ZNF76: variants seen among roughly 807,000 people sequenced by gnomAD.
The protein encoded by ZNF76 is zinc finger protein 76.
A neutral mutation model predicts 66.9 loss-of-function variants in ZNF76; 66 were observed. The observed-to-expected ratio is 0.99, with a 90% CI of 0.81 to 1.21. ZNF76 has a LOEUF of 1.21. Among genes scored for constraint, ZNF76 ranks in the 50% most tolerant of loss-of-function variants. The pLI is 0.00. For missense variants in ZNF76, 729 were observed against 760.3 expected, an observed-to-expected ratio of 0.96 and a Z score of 0.48; for synonymous variants, 275 against 296.1, an observed-to-expected ratio of 0.93 and a Z score of 0.73.
chr6:35,290,540 T>G, intron 6 of ZNF76, 101 bp from the exon 7 acceptor site: 2 of 1,524,534 alleles, frequency 1.3e-6, no homozygotes, highest in South Asian at 1.2e-5. Flanking sequence ...TTGACACACA[T>G]GAATGGTACA....
chr6:35,291,821 A>T, intron 9 of ZNF76, 84 bp downstream of exon 9: 1 of 1,503,404 alleles, frequency 6.7e-7, no homozygotes, highest in Non-Finnish European at 9.0e-7. Flanking sequence ...CACATTCCCA[A>T]CTCCCAGCCC....
chr6:35,265,148 G>A (rs1000555399), intron 1 of ZNF76, among the ~76,000 whole-genome samples: 1 of 152,134 alleles, frequency 6.6e-6, no homozygotes, highest in African/African-American at 2.4e-5. Context: ...ACAGGGTAGA[G>A]ACAGACAATA....
chr6:35,289,381 A>G (rs1790054559), intron 5 of ZNF76, among the ~76,000 whole-genome samples: 2 of 152,140 alleles, frequency 1.3e-5, no homozygotes, highest in South Asian at 4.1e-4. Flanking sequence ...CAGCTGCTTG[A>G]GCCTCTGAGC....
At chr6:35,294,736 G>A (rs913164203) in intron 13 of ZNF76, 167 bp downstream of exon 13, 18 of 675,498 alleles carry the variant, frequency 2.7e-5, no homozygotes, top group African/African-American at 2.5e-4. Context: ...TCTCAGGCTC[G>A]CTCTTGGCTG....
intron 2 of ZNF76, 106 bp from the exon 3 acceptor site, chr6:35,286,022 C>A: frequency 1.0e-6 from 1 of 1,004,550 alleles, no homozygotes; most frequent in Non-Finnish European, 1.6e-6. Flanking sequence ...CTTAGACCTG[C>A]AGGCTCGTGC....
intron 1 of ZNF76, among the ~76,000 whole-genome samples, chr6:35,270,780 A>G (rs1786927892): frequency 6.6e-6 from 1 of 152,034 alleles, no homozygotes; most frequent in Non-Finnish European, 1.5e-5. Flanking sequence ...GATGGTCTAG[A>G]TCTCTTGACC....
chr6:35,272,851 AT>A (rs1257871363), intron 1 of ZNF76, among the ~76,000 whole-genome samples: 23 of 151,974 alleles, frequency 1.5e-4, no homozygotes, highest in Non-Finnish European at 1.5e-5. Flanking sequence ...CCTCACATTG[AT>A]TTTTTTAAGA....
At chr6:35,271,969 G>A (rs112230413) in intron 1 of ZNF76, among the ~76,000 whole-genome samples, 2,035 of 150,996 alleles carry the variant, frequency 0.013, 17 homozygotes, top group African/African-American at 0.025. Flanking sequence ...GCTGGGCATG[G>A]TGGCACGCAC....
intron 1 of ZNF76, among the ~76,000 whole-genome samples, chr6:35,260,495 C>G (rs753075810): frequency 6.6e-6 from 1 of 152,226 alleles, no homozygotes; most frequent in Non-Finnish European, 1.5e-5. Context: ...TGGCATCTCT[C>G]TCTGCGATCC....
chr6:35,265,793 A>T (rs1338524133), intron 1 of ZNF76, among the ~76,000 whole-genome samples: 2 of 151,702 alleles, frequency 1.3e-5, no homozygotes, highest in Non-Finnish European at 2.9e-5. Context: ...GAAATGGCAG[A>T]TGTTGCGGTG....
At chr6:35,281,297 G>A in intron 2 of ZNF76, 73 bp downstream of exon 2, 4 of 1,454,596 alleles carry the variant, frequency 2.7e-6, no homozygotes, top group East Asian at 2.3e-5. Context: ...ATTTCTAAGA[G>A]TCCCACCATC....
At chr6:35,284,958 G>A (rs557203799) in intron 2 of ZNF76, among the ~76,000 whole-genome samples, 8 of 152,264 alleles carry the variant, frequency 5.3e-5, no homozygotes, top group East Asian at 1.9e-4. Flanking sequence ...CGATCCACCC[G>A]CCTTGGCCTC....
rs200373705 is a variant in ZNF76 at position 35,291,711 on chromosome 6, A to G, written c.905A>G (p.Tyr302Cys). 2.5e-4 allele frequency: 400 copies of G among 1,611,360 alleles called. No homozygotes were observed. Among genetic ancestry groups the G allele is most frequent in the Non-Finnish European group, 3.1e-4 (366 of 1,179,970 alleles). Residue 302 changes from tyrosine to cysteine, a missense_variant, in exon 9 of 14, where the codon TAT (tyrosine) becomes TGT (cysteine). By Grantham distance (194) the Tyr-to-Cys change is radical. Transcript: ENST00000373953. ...CGRGFTSATN[Y>C]KNHVRIHTGE... ...CGCGGCTTCACCAGCGCCACCAACT[A>G]TAAGAATCACGTGCGCATCCACACA...
intron 1 of ZNF76, among the ~76,000 whole-genome samples, chr6:35,262,018 ATGTG>A (rs1413041212): frequency 4.6e-5 from 7 of 152,248 alleles, no homozygotes; most frequent in African/African-American, 1.7e-4. Context: ...TGTAAGTTTT[ATGTG>A]ACAGGAGCCT....
chr6:35,291,759 G>A, intron 9 of ZNF76, 22 bp downstream of exon 9: 1 of 1,601,832 alleles, frequency 6.2e-7, no homozygotes. Context: ...GGCATGCGAG[G>A]ACTACCCTCA....
rs1341608446 is a variant in ZNF76 at position 35,286,392 on chromosome 6, A to G, written c.225A>G (p.Thr75=). The G allele has an allele frequency of 8.1e-6, 13 of 1,614,042 alleles. No individual in the cohort carries two copies. Among genetic ancestry groups the G allele is most frequent in the Non-Finnish European group, 1.1e-5 (13 of 1,180,018 alleles). Residue 75 remains threonine (T), a synonymous_variant, in exon 4 of 14, where the codon ACA becomes ACG. Coordinates refer to ENST00000373953, the MANE Select transcript of ZNF76 (RefSeq NM_003427.5). ...GCAGCATGGCTTACATACACCGCAC[A>G]CCCAGAGGTAGGGTCACCATCATCA... is the stretch of plus-strand genomic sequence containing the variant. The part of the protein sequence containing the change: ...EDGSMAYIHR[T]PREGYDPSTL...
chr6:35,273,013 G>A (rs555702576), intron 1 of ZNF76, among the ~76,000 whole-genome samples: 17 of 152,068 alleles, frequency 1.1e-4, no homozygotes, highest in South Asian at 2.1e-4. Context: ...AACATTAGCC[G>A]GGCCTGGTGG....
rs762275616 is a variant in ZNF76, at chr6:35,293,764, C to T, written c.1343C>T (p.Pro448Leu). The T allele has an allele frequency of 1.1e-5, 18 of 1,613,852 alleles. No homozygotes were observed. The highest frequency in any genetic ancestry group is 1.7e-5 in the Admixed American group (1 of 59,972). The stretch of plus-strand genomic sequence containing the variant: ...TCCTGTTGGCAGGTCAGCCTGTCCC[C>T]GGAAGACCTGCAGGCCCTGGGGAGT... ...QDGAQQVSLS[P>L]EDLQALGSAI... The change falls in exon 12 of 14, where the codon CCG becomes CTG. Residue 448 changes from proline to leucine, a missense_variant. Pro to Leu is a moderately conservative substitution (Grantham distance 98). Transcript: ENST00000373953.
Position 35,295,209 on chromosome 6 carries a change from T to C in ZNF76, c.1674T>C (p.Ala558=), listed in dbSNP as rs2150381838. ...NVATAAMQQG[A]VTLETTVSES... Reference sequence around the variant, plus strand: ...CCACTGCGGCCATGCAGCAAGGGGCTGTGACCCTGGAGACAACAGTGTCGG... The same window carrying C: ...CCACTGCGGCCATGCAGCAAGGGGCCGTGACCCTGGAGACAACAGTGTCGG... Residue 558 remains alanine (A), a synonymous_variant, in exon 14 of 14, where the codon GCT becomes GCC. Transcript: ENST00000373953. The C allele has an allele frequency of 6.2e-7, 1 of 1,611,480 alleles. No individual in the cohort carries two copies. The highest frequency in any genetic ancestry group is 8.5e-7 in the Non-Finnish European group (1 of 1,178,890).
Sources: allele counts gnomAD v4.1 joint callset (sites outside exome capture counted in the v4.1 genomes callset), GRCh38; gene constraint gnomAD v4.1.1; transcripts MANE v1.5; gene names NCBI Gene and HGNC (gene_info 2026-07-23, HGNC 2026-07-21).